KBTBD12: variants seen among roughly 807,000 people sequenced by gnomAD.
KBTBD12 encodes the protein kelch repeat and BTB domain containing 12.
In KBTBD12, 53 loss-of-function variants were observed where a neutral mutation model predicts 58.7. The observed-to-expected ratio is 0.90, with a 90% CI of 0.72 to 1.14. KBTBD12 has a LOEUF of 1.14. Ranked by LOEUF, KBTBD12 falls within the 50% of genes most tolerant of loss-of-function variation. The pLI is 0.00. For missense variants in KBTBD12, 704 were observed against 751.3 expected, an observed-to-expected ratio of 0.94 and a Z score of 0.74; for synonymous variants, 236 against 259.8, an observed-to-expected ratio of 0.91 and a Z score of 0.88.
chr3:127,971,744 C>A (rs1316591293), intron 5 of KBTBD12, among the ~76,000 whole-genome samples: 1 of 152,158 alleles, frequency 6.6e-6, no homozygotes, highest in African/African-American at 2.4e-5. Context: ...GGATTTCTTC[C>A]CAGAGTCCAG....
chr3:127,916,047 AT>A (rs1423380177), intron 1 of KBTBD12, among the ~76,000 whole-genome samples: 9 of 152,232 alleles, frequency 5.9e-5, no homozygotes, highest in Admixed American at 3.9e-4. Flanking sequence ...CAGGAGAATA[AT>A]TGCCCTACAT....
chr3:127,923,367 G>A lies in KBTBD12; in HGVS notation c.306G>A (p.Gln102=), dbSNP rs1939474582. The change falls in exon 2 of 6, where the codon CAG becomes CAA. Residue 102 remains glutamine (Q), a synonymous_variant. Transcript: ENST00000405109. ...TGGAGATCAATAATGCCAATGTACAGACTGTAGCTATGGCTGCCTATTTTA... is the reference window on the plus strand; with the variant it reads ...TGGAGATCAATAATGCCAATGTACAAACTGTAGCTATGGCTGCCTATTTTA... The part of the protein sequence containing the change: ...AALEINNANV[Q]TVAMAAYFMQ... 6.2e-7 allele frequency: 1 copy of A among 1,613,812 alleles called. No homozygotes were observed. The highest frequency in any genetic ancestry group is 2.2e-5 in the East Asian group (1 of 44,876).
intron 1 of KBTBD12, among the ~76,000 whole-genome samples, chr3:127,917,703 A>C (rs374266974): frequency 2.4e-4 from 37 of 152,336 alleles, no homozygotes; most frequent in African/African-American, 8.4e-4. Flanking sequence ...TAGGAGTTGT[A>C]TGTCAGGAAA....
chr3:127,979,366 A>T (rs1197751183), intron 5 of KBTBD12, among the ~76,000 whole-genome samples: 1 of 152,230 alleles, frequency 6.6e-6, no homozygotes, highest in Non-Finnish European at 1.5e-5. Context: ...GTGAACACTT[A>T]TATATAAAGC....
intron 5 of KBTBD12, among the ~76,000 whole-genome samples, chr3:127,976,696 C>T (rs1940789725): frequency 6.6e-6 from 1 of 152,142 alleles, no homozygotes; most frequent in African/African-American, 2.4e-5. Flanking sequence ...TAAAACCATG[C>T]AGTTCACTTT....
At chr3:127,930,390 T>G in intron 4 of KBTBD12, 107 bp downstream of exon 4, 1 of 919,808 alleles carries the variant, frequency 1.1e-6, no homozygotes, top group Non-Finnish European at 1.6e-6. Flanking sequence ...CAGTTCAAAT[T>G]TATATACAAC....
In KBTBD12 at chr3:127,984,379, C is replaced by G. The variant is rs1020778510; in HGVS notation, c.*101C>G. ...TCATGCCAGTCATGTGCACTGCATGCGTAGTGGCCTGTGTGTGAAGAAGCA... is the reference window on the plus strand; with the variant it reads ...TCATGCCAGTCATGTGCACTGCATGGGTAGTGGCCTGTGTGTGAAGAAGCA... On this transcript the variant is annotated 3_prime_UTR_variant, in exon 6 of 6. Coordinates refer to ENST00000405109, the MANE Select transcript of KBTBD12 (RefSeq NM_207335.4). The G allele has an allele frequency of 9.2e-7, 1 of 1,083,286 alleles. No individual in the cohort carries two copies. The highest frequency in any genetic ancestry group is 1.3e-6 in the Non-Finnish European group (1 of 746,730). 67.1% of individuals were successfully genotyped at this position (1,083,286 alleles called of 1,614,324 possible).
At chr3:127,925,869 A>G (rs1939556676) in intron 2 of KBTBD12, among the ~76,000 whole-genome samples, 1 of 152,174 alleles carries the variant, frequency 6.6e-6, no homozygotes, top group South Asian at 2.1e-4. Context: ...TAAGAAATTT[A>G]TCATCCTGTG....
intron 1 of KBTBD12, among the ~76,000 whole-genome samples, chr3:127,918,547 C>G (rs928047997): frequency 3.7e-4 from 57 of 152,014 alleles, no homozygotes; most frequent in African/African-American, 1.3e-3. Context: ...CCCGTCTCTA[C>G]TACAAATACA....
chr3:127,978,608 T>A (rs1940823558), intron 5 of KBTBD12, among the ~76,000 whole-genome samples: 1 of 152,102 alleles, frequency 6.6e-6, no homozygotes, highest in Non-Finnish European at 1.5e-5. Context: ...AGGGGGAATT[T>A]TTTCTTTCTT....
rs1576391279 is a variant in KBTBD12, at chr3:127,964,636, A to G, written c.1690+1250A>G. Among the ~76,000 whole-genome samples, 9 of 99,988 alleles carry G rather than the reference A, an allele frequency of 9.0e-5. No homozygotes were observed. The South Asian group carries it at 3.8e-3, about 42-fold the overall frequency. 65.6% of individuals were successfully genotyped at this position (99,988 alleles called of 152,430 possible). On this transcript the variant is annotated intron_variant, in intron 5 of 5. Coordinates refer to ENST00000405109, the MANE Select transcript of KBTBD12 (RefSeq NM_207335.4). ...CAGCCTGGCAACAGAGCGAGACTCC[A>G]TCTCAAAAAAAAAAAAAAAAAAGAA...
At chr3:127,925,323 A>T (rs999724510) in intron 2 of KBTBD12, among the ~76,000 whole-genome samples, 3 of 152,162 alleles carry the variant, frequency 2.0e-5, no homozygotes. Context: ...CCCCACAGGA[A>T]GAGGAAGCCT....
chr3:127,963,285 G>A lies in KBTBD12; in HGVS notation c.1589G>A (p.Gly530Asp), dbSNP rs773907692. Residue 530 changes from glycine (G) to aspartate (D), a missense_variant, in exon 5 of 6, where the codon GGC becomes GAC. Transcript: ENST00000405109. ...CCAGATGGGGACTTTTGGCGAGAGG[G>A]CCCTCCCATGCCAAGTCCCCTCCTC... Reference protein sequence around the residue: ...YNPDGDFWREGPPMPSPLLSL... With the variant: ...YNPDGDFWREDPPMPSPLLSL... 1.4e-5 allele frequency: 23 copies of A among 1,611,540 alleles called. No homozygotes were observed. The highest frequency in any genetic ancestry group is 1.9e-5 in the Non-Finnish European group (22 of 1,178,960).
At chr3:127,968,842 A>G (rs1250373804) in intron 5 of KBTBD12, among the ~76,000 whole-genome samples, 1 of 108,408 alleles carries the variant, frequency 9.2e-6, no homozygotes, top group African/African-American at 3.9e-5. Flanking sequence ...AATAAAGGGA[A>G]AAAAACAGAT....
rs746348035 is a variant in KBTBD12 at position 127,984,132 on chromosome 3, C to G, written c.1726C>G (p.Leu576Val). ...GGTTATCTCCAAAGAAATATTGGAACTGGACCCATGGGAAAACCAGTGGAA... is the reference window on the plus strand; with the variant it reads ...GGTTATCTCCAAAGAAATATTGGAAGTGGACCCATGGGAAAACCAGTGGAA... ...HEVISKEILELDPWENQWNVV... is the reference protein window; with the variant it reads ...HEVISKEILEVDPWENQWNVV... The change falls in exon 6 of 6, where the codon CTG (leucine) becomes GTG (valine). Residue 576 changes from leucine (L) to valine (V), a missense_variant. Coordinates refer to ENST00000405109, the MANE Select transcript of KBTBD12 (RefSeq NM_207335.4). The G allele has an allele frequency of 1.9e-6, 3 of 1,613,936 alleles. No homozygotes were observed. In the Admixed American group the frequency reaches 5.0e-5, roughly 27 times the overall value.
At chr3:127,982,014 G>A (rs1280413402) in intron 5 of KBTBD12, among the ~76,000 whole-genome samples, 2 of 152,042 alleles carry the variant, frequency 1.3e-5, no homozygotes, top group Admixed American at 1.3e-4. Flanking sequence ...AGGCGTCCAA[G>A]CTGGAAATCT....
intron 1 of KBTBD12, among the ~76,000 whole-genome samples, chr3:127,920,122 A>C (rs926242313): frequency 2.0e-5 from 3 of 152,202 alleles, no homozygotes; most frequent in African/African-American, 7.2e-5. Context: ...ACAGTTGTAC[A>C]GATCCTTAAA....
chr3:127,945,271 G>A (rs1198419600), intron 4 of KBTBD12, among the ~76,000 whole-genome samples: 12 of 130,462 alleles, frequency 9.2e-5, no homozygotes, highest in South Asian at 2.6e-4. Context: ...TGCAAGCTCC[G>A]CCTCCCAGGT....
chr3:127,933,801 C>G (rs144677154), intron 4 of KBTBD12, among the ~76,000 whole-genome samples: 1 of 152,180 alleles, frequency 6.6e-6, no homozygotes, highest in Non-Finnish European at 1.5e-5. Context: ...AAGGGTAACT[C>G]ATAGGCTAAA....
Sources: gnomAD v4.1 joint callset for allele counts (sites outside exome capture counted in the v4.1 genomes callset) on GRCh38, gnomAD v4.1.1 for gene constraint, MANE v1.5 for transcripts, NCBI Gene and HGNC (gene_info 2026-07-23, HGNC 2026-07-21) for gene names.